MTRF1: variants seen among roughly 807,000 people sequenced by gnomAD.
MTRF1 encodes peptide chain release factor 1, mitochondrial.
A neutral mutation model predicts 62.9 loss-of-function variants in MTRF1; 51 were observed. That is an observed-to-expected ratio of 0.81 (90% confidence interval 0.65 to 1.02). MTRF1 has a LOEUF of 1.02. Among genes scored for constraint, MTRF1 ranks in the 50% least tolerant of loss-of-function variants. The pLI is 0.00. For synonymous variants in MTRF1, 158 were observed against 181.9 expected (o/e 0.87, Z 1.06); for missense variants, 446 against 530.0 (o/e 0.84, Z 1.56).
intron 2 of MTRF1, 50 bp from the exon 3 acceptor site, chr13:41,254,670 G>A (rs1278944249): frequency 7.2e-7 from 1 of 1,394,786 alleles, no homozygotes; most frequent in Admixed American, 1.8e-5. Context: ...TACTTACAGA[G>A]AAACTCCTAA....
the MTRF1 span, among the ~76,000 whole-genome samples, chr13:41,302,115 C>G: frequency 1.3e-5 from 2 of 152,084 alleles, no homozygotes; most frequent in Non-Finnish European, 2.9e-5. Flanking sequence ...CAATCTCCCT[C>G]TCCTGGGTTC....
the MTRF1 span, among the ~76,000 whole-genome samples, chr13:41,277,496 G>C: frequency 6.6e-6 from 1 of 152,108 alleles, no homozygotes; most frequent in East Asian, 1.9e-4. Flanking sequence ...AACCCATCAG[G>C]TGGTTACATT....
At chr13:41,240,053 C>T (rs2037258668) in intron 6 of MTRF1, among the ~76,000 whole-genome samples, 1 of 152,000 alleles carries the variant, frequency 6.6e-6, no homozygotes, top group Non-Finnish European at 1.5e-5. Context: ...ATTGCAGCTA[C>T]TCAGCAGGCT....
the MTRF1 span, among the ~76,000 whole-genome samples, chr13:41,289,426 T>C: frequency 2.0e-5 from 3 of 151,928 alleles, no homozygotes. Context: ...TTAGTAGAGA[T>C]GGGGTTTTGC....
At chr13:41,280,083 G>C in the MTRF1 span, among the ~76,000 whole-genome samples, 3 of 152,132 alleles carry the variant, frequency 2.0e-5, no homozygotes, top group Admixed American at 6.6e-5. Context: ...GACTACAGGC[G>C]TGTGACACCA....
chr13:41,301,463 A>G, the MTRF1 span, among the ~76,000 whole-genome samples: 3 of 152,104 alleles, frequency 2.0e-5, no homozygotes, highest in South Asian at 2.1e-4. Context: ...AAGGCAAAGG[A>G]CAGGTTGGGT....
the MTRF1 span, among the ~76,000 whole-genome samples, chr13:41,283,585 CT>C: frequency 4.8e-5 from 4 of 83,566 alleles, no homozygotes; most frequent in Admixed American, 2.0e-4. Context: ...CTCTGACAAT[CT>C]TTTTTTTTTT....
At position 41,260,442 on chromosome 13, in the gene MTRF1, G is replaced by GT. The variant is rs66465270; in HGVS notation, c.415+50dup. The GT allele has an allele frequency of 7.8e-3, 10,581 of 1,350,078 alleles. 28 individuals carry two copies. Among genetic ancestry groups the GT allele is most frequent in the East Asian group, 0.032 (1,313 of 41,334 alleles). The allele number at this position is 1,350,078 out of a possible 1,614,324, so 83.6% of individuals were successfully genotyped here. A position where few individuals can be genotyped will look rare whatever the true frequency, so the allele number is the denominator to read the frequency against. Reference sequence around the variant, plus strand: ...TTACACACACGCATATAAGTGTGTGGTTTTTTTTTTCATAGCCCTTATGCA... The same window carrying GT: ...TTACACACACGCATATAAGTGTGTGGTTTTTTTTTTTCATAGCCCTTATGCA... On this transcript the variant is annotated intron_variant, in intron 2 of 9. Coordinates refer to ENST00000379480, the MANE Select transcript of MTRF1 (RefSeq NM_004294.4).
chr13:41,241,292 C>T (rs986503372), intron 5 of MTRF1, among the ~76,000 whole-genome samples: 3 of 152,154 alleles, frequency 2.0e-5, no homozygotes, highest in African/African-American at 7.2e-5. Context: ...GATCTGCCTG[C>T]GTTGGGGTCC....
At chr13:41,284,254 G>A in the MTRF1 span, among the ~76,000 whole-genome samples, 1 of 151,446 alleles carries the variant, frequency 6.6e-6, no homozygotes, top group Admixed American at 6.6e-5. Context: ...GGGAGGCTGA[G>A]GTGGGAGGAT....
rs2031976762 is a variant in MTRF1, at chr13:41,216,650, T to C, written c.*465A>G. ...TTCCCCCTTTGGCCCTTCAAAGCAC[T>C]GGGATTACAGGCATAAGCATCCACT... On this transcript the variant is annotated 3_prime_UTR_variant, in exon 10 of 10. Coordinates refer to ENST00000379480, the MANE Select transcript of MTRF1 (RefSeq NM_004294.4). The C allele has an allele frequency of 6.6e-6, 1 of 152,216 alleles. No individual in the cohort carries two copies. Among genetic ancestry groups the C allele is most frequent in the Non-Finnish European group, 1.5e-5 (1 of 68,086 alleles). 9.4% of individuals were successfully genotyped at this position (152,216 alleles called of 1,614,324 possible).
At chr13:41,309,341 AGTGTGT>A in the MTRF1 span, among the ~76,000 whole-genome samples, 5,127 of 135,522 alleles carry the variant, frequency 0.038, 118 homozygotes, top group Non-Finnish European at 0.043. Context: ...ATGCCCAGCT[AGTGTGT>A]GTGTGTGTGT....
At chr13:41,238,972 T>G (rs1264677641) in intron 6 of MTRF1, among the ~76,000 whole-genome samples, 1 of 152,090 alleles carries the variant, frequency 6.6e-6, no homozygotes, top group Non-Finnish European at 1.5e-5. Flanking sequence ...ATGTGGGACA[T>G]TCTTCAAGAC....
At chr13:41,233,812 CATATAGG>C in intron 7 of MTRF1, 71 bp downstream of exon 7, 1 of 1,111,680 alleles carries the variant, frequency 9.0e-7, no homozygotes, top group Non-Finnish European at 1.4e-6. Context: ...ACCAGACACT[CATATAGG>C]ACTATTTCCT....
chr13:41,287,994 G>A, the MTRF1 span: 2 of 370,076 alleles, frequency 5.4e-6, no homozygotes, highest in African/African-American at 4.3e-5. Flanking sequence ...AAGAATGATG[G>A]GAGTGTTGGG....
intron 5 of MTRF1, among the ~76,000 whole-genome samples, chr13:41,241,191 C>A (rs1468733579): frequency 6.6e-6 from 1 of 152,042 alleles, no homozygotes; most frequent in Non-Finnish European, 1.5e-5. Context: ...ATTACAGGCA[C>A]CCACCACCAC....
the MTRF1 span, among the ~76,000 whole-genome samples, chr13:41,309,341 A>AGTGTGTGTGTGTGTGTGTGTGT: frequency 7.6e-4 from 103 of 135,662 alleles, no homozygotes; most frequent in Non-Finnish European, 1.2e-3. Flanking sequence ...ATGCCCAGCT[A>AGTGTGTGTGTGTGTGTGTGTGT]GTGTGTGTGT....
rs201763116 is a variant in MTRF1, at chr13:41,226,517, A to G, written c.1040T>C (p.Ile347Thr). The part of the protein sequence containing the change: ...QERSQIKNKE[I>T]AFRVLRARLY... ...TCTAGCTCTCAACACACGAAAGGCT[A>G]TTTCTTTATTTTTTATCTGTGATCT... Residue 347 changes from isoleucine to threonine, a missense_variant, in exon 8 of 10, where the codon ATA (isoleucine) becomes ACA (threonine). Transcript: ENST00000379480. 1.1e-4 allele frequency: 175 copies of G among 1,613,852 alleles called. No homozygotes were observed. Among genetic ancestry groups the G allele is most frequent in the South Asian group, 8.6e-4 (78 of 91,060 alleles).
chr13:41,232,756 C>T (rs1401678399), intron 7 of MTRF1, among the ~76,000 whole-genome samples: 2 of 152,136 alleles, frequency 1.3e-5, no homozygotes, highest in Non-Finnish European at 2.9e-5. Context: ...TGCTGATGAC[C>T]AGGACAACCC....
Sources: allele counts gnomAD v4.1 joint callset (sites outside exome capture counted in the v4.1 genomes callset), GRCh38; gene constraint gnomAD v4.1.1; transcripts MANE v1.5; gene names NCBI Gene and HGNC (gene_info 2026-07-23, HGNC 2026-07-21).